CEP131: variants seen among roughly 807,000 people sequenced by gnomAD.
CEP131 encodes the protein centrosomal protein of 131 kDa.
CEP131 carries 99 observed loss-of-function variants against 136.8 expected under a neutral mutation model. The observed-to-expected ratio is 0.72, with a 90% CI of 0.62 to 0.86. The LOEUF (loss-of-function observed/expected upper bound fraction) is 0.86. CEP131 is among the 40% of genes least tolerant of loss of function. CEP131 has a pLI of 0.00. For synonymous variants in CEP131, 646 were observed against 612.7 expected, an observed-to-expected ratio of 1.05 and a Z score of -0.80; for missense variants, 1,459 against 1,463.0, an observed-to-expected ratio of 1.00 and a Z score of 0.04.
rs896833593 is a variant in CEP131 at position 81,215,400 on chromosome 17, T to C, written c.177+4480A>G. 6.6e-6 allele frequency among the ~76,000 whole-genome samples: 1 copy of C among 151,692 alleles called. No individual in the cohort carries two copies. Among genetic ancestry groups the C allele is most frequent in the Non-Finnish European group, 1.5e-5 (1 of 67,924 alleles). Reference sequence around the variant, plus strand: ...ATATTGGCCACCACTCCCGGCCCCCTTTCAAATTTTTTTATTTATTTAATT... The same window carrying C: ...ATATTGGCCACCACTCCCGGCCCCCCTTCAAATTTTTTTATTTATTTAATT... On this transcript the variant is annotated intron_variant, in intron 2 of 25. Coordinates refer to ENST00000450824, the MANE Select transcript of CEP131 (RefSeq NM_014984.4). This position sits in a 1 kb window ranked among gnomAD's most constrained non-coding sequence, Gnocchi z 4.1.
At position 81,189,950 on chromosome 17, in the gene CEP131, C is replaced by G. The variant is rs761634368; in HGVS notation, c.3133G>C (p.Glu1045Gln). The G allele has an allele frequency of 8.1e-6, 13 of 1,611,380 alleles. No homozygotes were observed. The highest frequency in any genetic ancestry group is 1.1e-5 in the Non-Finnish European group (13 of 1,178,582). Residue 1045 changes from glutamate (E) to glutamine (Q), a missense_variant, in exon 25 of 26, where the codon GAG (glutamate) becomes CAG (glutamine). Coordinates refer to ENST00000450824, the MANE Select transcript of CEP131 (RefSeq NM_014984.4). Reference sequence around the variant, plus strand: ...GTCCGGAGGCTGCTCACGGCCTCCTCCTTCCTCGCGAGGGCTGTCTTCACC... The same window carrying G: ...GTCCGGAGGCTGCTCACGGCCTCCTGCTTCCTCGCGAGGGCTGTCTTCACC... ...RRVKTALARKEEAVSSLRTQH... is the reference protein window; with the variant it reads ...RRVKTALARKQEAVSSLRTQH...
At chr17:81,190,113 CCAGA>C in intron 24 of CEP131, 138 bp from the exon 25 acceptor site, 1 of 769,550 alleles carries the variant, frequency 1.3e-6, no homozygotes, top group Non-Finnish European at 2.0e-6. Context: ...TGTGGCTGGC[CCAGA>C]CAGCTGTCCA....
intron 17 of CEP131, 106 bp downstream of exon 17, chr17:81,194,764 A>G (rs911511618): frequency 2.1e-6 from 2 of 940,262 alleles, no homozygotes; most frequent in African/African-American, 3.2e-5. Context: ...TCTGCCCAGG[A>G]AGGTCTCGGA....
intron 3 of CEP131, among the ~76,000 whole-genome samples, 174 bp from the exon 4 acceptor site, chr17:81,207,413 T>C (rs542499552): frequency 4.1e-4 from 62 of 152,212 alleles, no homozygotes; most frequent in African/African-American, 1.5e-3. Context: ...GGTTCCTCAG[T>C]GGAGCTGGGC....
intron 9 of CEP131, 72 bp from the exon 10 acceptor site, chr17:81,199,621 G>A: frequency 6.3e-7 from 1 of 1,593,478 alleles, no homozygotes; most frequent in Non-Finnish European, 8.5e-7. Context: ...AAGCTGCCCT[G>A]AGGCTAAGTG....
chr17:81,192,850 G>A lies in CEP131; in HGVS notation c.2322-7C>T, dbSNP rs1387342500. 6 of 1,595,860 alleles carry A rather than the reference G, an allele frequency of 3.8e-6. No individual in the cohort carries two copies. The highest frequency in any genetic ancestry group is 1.1e-5 in the South Asian group (1 of 90,482). ...CTCCAGGTGCTGCTGGAACCTGCGGGACGGTCAGGACTGGCTCTCGGGGGC... is the reference window on the plus strand; with the variant it reads ...CTCCAGGTGCTGCTGGAACCTGCGGAACGGTCAGGACTGGCTCTCGGGGGC... On this transcript the variant is annotated splice_polypyrimidine_tract_variant and splice_region_variant and intron_variant, in intron 18 of 25. Transcript: ENST00000450824.
intron 7 of CEP131, among the ~76,000 whole-genome samples, chr17:81,201,564 G>A (rs539928452): frequency 2.0e-5 from 3 of 152,330 alleles, no homozygotes; most frequent in South Asian, 4.1e-4. Context: ...TTAATTAACA[G>A]TTTTACTGAG....
At chr17:81,192,958 C>CG in intron 18 of CEP131, 115 bp from the exon 19 acceptor site, 1 of 1,455,000 alleles carries the variant, frequency 6.9e-7, no homozygotes, top group Non-Finnish European at 9.1e-7. Context: ...AGCAGCCCTC[C>CG]GGGGCCCTGC....
intron 7 of CEP131, 120 bp from the exon 8 acceptor site, chr17:81,200,566 CT>C: frequency 1.3e-6 from 1 of 742,598 alleles, no homozygotes; most frequent in Non-Finnish European, 2.3e-6. Flanking sequence ...TCAAGTAGCC[CT>C]TTTCACAAGG....
In CEP131 at chr17:81,203,535, C is replaced by A; in HGVS notation, c.588G>T (p.Ala196=). The A allele has an allele frequency of 1.2e-6, 2 of 1,608,664 alleles. No homozygotes were observed. The highest frequency in any genetic ancestry group is 1.3e-5 in the African/African-American group (1 of 75,004). ...TCTGGTTGGAGCTCTTGAGCGGAGG[C>A]GCCCTCTCCGAGGGGGTGTAGCGGT... The part of the protein sequence containing the change: ...VHNRYTPSER[A]PPLKSSNQTA... Residue 196 remains alanine (A), a synonymous_variant, in exon 6 of 26, where the codon GCG becomes GCT. Coordinates refer to ENST00000450824, the MANE Select transcript of CEP131 (RefSeq NM_014984.4). The surrounding 1 kb of genome is among the most constrained non-coding windows in gnomAD (Gnocchi z 4.6).
intron 2 of CEP131, among the ~76,000 whole-genome samples, chr17:81,217,318 A>G (rs974801853): frequency 2.0e-5 from 3 of 152,036 alleles, no homozygotes; most frequent in Admixed American, 2.0e-4. Flanking sequence ...GGACGCAGGA[A>G]GATCTTTAGA....
In CEP131 at chr17:81,198,458, G is replaced by A. The variant is rs192803962; in HGVS notation, c.1288-161C>T. 3.2e-3 allele frequency among the ~76,000 whole-genome samples: 482 copies of A among 152,238 alleles called. 7 individuals carry two copies. Among genetic ancestry groups the A allele is most frequent in the African/African-American group, 9.5e-3 (393 of 41,550 alleles). On this transcript the variant is annotated intron_variant, in intron 11 of 25. Transcript: ENST00000450824. ...GGCCAGGGCTCAGACCTTCCCACCC[G>A]GTCTCTGCAGCTGCTCAAACCCAGA...
chr17:81,197,687 C>T (rs569021287), intron 13 of CEP131, 25 bp downstream of exon 13: 113 of 1,591,466 alleles, frequency 7.1e-5, no homozygotes, highest in South Asian at 2.7e-4. Context: ...CACTGGGGGC[C>T]GGGTGCGGGC....
chr17:81,206,602 T>A lies in CEP131; in HGVS notation c.515+142A>T, dbSNP rs2062013009. On this transcript the variant is annotated intron_variant, in intron 5 of 25. Transcript: ENST00000450824. ...AGCCTCCTGCCTATGCCCTTGGGAA[T>A]GAAAGCCATTCTTTCACTCACTCAC... The A allele has an allele frequency of 4.8e-6, 6 of 1,243,254 alleles. No individual in the cohort carries two copies. The Admixed American group carries it at 1.5e-4, about 30-fold the overall frequency. 77.0% of individuals were successfully genotyped at this position (1,243,254 alleles called of 1,614,324 possible). A position where few individuals can be genotyped will look rare whatever the true frequency, so the allele number is the denominator to read the frequency against.
intron 2 of CEP131, among the ~76,000 whole-genome samples, chr17:81,216,077 A>C (rs2062239817): frequency 6.6e-6 from 1 of 151,956 alleles, no homozygotes; most frequent in South Asian, 2.1e-4. Context: ...AAAAATTAGT[A>C]GGCTGGGTGT....
Position 81,203,430 on chromosome 17 carries a change from A to G in CEP131, c.629+64T>C, listed in dbSNP as rs540126480. On this transcript the variant is annotated intron_variant, in intron 6 of 25. Coordinates refer to ENST00000450824, the MANE Select transcript of CEP131 (RefSeq NM_014984.4). This position sits in a 1 kb window ranked among gnomAD's most constrained non-coding sequence, Gnocchi z 4.6. Reference sequence around the variant, plus strand: ...CTGACCGAGGTCGGACCCCAGGTGCACTGACTACATGCCCTAACTGAGGTC... The same window carrying G: ...CTGACCGAGGTCGGACCCCAGGTGCGCTGACTACATGCCCTAACTGAGGTC... The G allele has an allele frequency of 3.0e-6, 4 of 1,352,132 alleles. No homozygotes were observed. In the African/African-American group the frequency reaches 4.3e-5, roughly 15 times the overall value. 83.8% of individuals were successfully genotyped at this position (1,352,132 alleles called of 1,614,324 possible). A position where few individuals can be genotyped will look rare whatever the true frequency, so the allele number is the denominator to read the frequency against.
At chr17:81,197,145 G>A in intron 13 of CEP131, 90 bp from the exon 14 acceptor site, 1 of 1,465,952 alleles carries the variant, frequency 6.8e-7, no homozygotes, top group Non-Finnish European at 9.0e-7. Context: ...CCTGCCCTCT[G>A]GGGACAGAGG....
At chr17:81,198,577 C>T (rs2061819952) in intron 11 of CEP131, among the ~76,000 whole-genome samples, 1 of 152,192 alleles carries the variant, frequency 6.6e-6, no homozygotes, top group African/African-American at 2.4e-5. Context: ...GCCTGGGAGC[C>T]TTGGCTGTCA....
intron 11 of CEP131, among the ~76,000 whole-genome samples, chr17:81,198,578 T>C (rs2061820025): frequency 6.6e-6 from 1 of 152,116 alleles, no homozygotes; most frequent in Non-Finnish European, 1.5e-5. Flanking sequence ...CCTGGGAGCC[T>C]TGGCTGTCAG....
Sources: gnomAD v4.1 joint callset for allele counts (sites outside exome capture counted in the v4.1 genomes callset) on GRCh38, gnomAD v4.1.1 for gene constraint, Gnocchi (gnomAD v3.1) non-coding constraint, MANE v1.5 for transcripts, NCBI Gene and HGNC (gene_info 2026-07-23, HGNC 2026-07-21) for gene names.